ADAMTS19: variants seen among roughly 807,000 people sequenced by gnomAD.
ADAMTS19 encodes A disintegrin and metalloproteinase with thrombospondin motifs 19.
Under a neutral mutation model 153.3 loss-of-function variants are expected in ADAMTS19, and 93 were observed. The ratio of observed to expected loss-of-function variants is 0.61; its 90% confidence interval spans 0.51 to 0.72. ADAMTS19 has a LOEUF of 0.72. ADAMTS19 is among the 30% of genes least tolerant of loss of function. The pLI is 0.00. For synonymous variants in ADAMTS19, 600 were observed against 556.6 expected, an observed-to-expected ratio of 1.08 and a Z score of -1.10; for missense variants, 1,482 against 1,552.1, an observed-to-expected ratio of 0.95 and a Z score of 0.76.
chr5:129,688,503 T>G (rs1036596627), intron 18 of ADAMTS19, among the ~76,000 whole-genome samples: 2 of 152,130 alleles, frequency 1.3e-5, no homozygotes, highest in African/African-American at 4.8e-5. Context: ...AAACTAAGTT[T>G]TAAAATGGTA....
chr5:129,649,751 G>A (rs1753232585), intron 13 of ADAMTS19, among the ~76,000 whole-genome samples: 1 of 152,142 alleles, frequency 6.6e-6, no homozygotes, highest in Non-Finnish European at 1.5e-5. Context: ...TTCTATAGTT[G>A]CTCAGGTATA....
At chr5:129,487,281 G>A (rs17163348) in intron 2 of ADAMTS19, among the ~76,000 whole-genome samples, 1 of 152,010 alleles carries the variant, frequency 6.6e-6, no homozygotes, top group South Asian at 2.1e-4. Flanking sequence ...GGCTTAAAAT[G>A]CAGGATGGTA....
At chr5:129,658,377 G>GAGAGAGAGAGAAAGAAA (rs1318590344) in intron 14 of ADAMTS19, among the ~76,000 whole-genome samples, 1 of 148,214 alleles carries the variant, frequency 6.7e-6, no homozygotes, top group African/African-American at 2.6e-5. Flanking sequence ...AAGAGAGAGA[G>GAGAGAGAGAGAAAGAAA]GAAGGAAGGA....
rs76829073 is a variant in ADAMTS19 at position 129,493,934 on chromosome 5, T to G, written c.748-15143T>G. Among the ~76,000 whole-genome samples, 703 of 152,168 alleles carry G rather than the reference T, an allele frequency of 4.6e-3. 7 individuals carry two copies. Among genetic ancestry groups the G allele is most frequent in the African/African-American group, 0.016 (653 of 41,554 alleles). On this transcript the variant is annotated intron_variant, in intron 2 of 22. Coordinates refer to ENST00000274487, the MANE Select transcript of ADAMTS19 (RefSeq NM_133638.6). The stretch of plus-strand genomic sequence containing the variant: ...TCACATATTGTCTATTTCATAAGAA[T>G]CACACCCTAGTTACATTTCTGTTTG...
At chr5:129,496,386 C>T (rs1750929097) in intron 2 of ADAMTS19, among the ~76,000 whole-genome samples, 1 of 152,104 alleles carries the variant, frequency 6.6e-6, no homozygotes, top group Non-Finnish European at 1.5e-5. Flanking sequence ...AGTATACACT[C>T]AGTAAATATT....
chr5:129,603,507 A>G (rs1447550273), intron 8 of ADAMTS19, among the ~76,000 whole-genome samples: 1 of 152,164 alleles, frequency 6.6e-6, no homozygotes, highest in Non-Finnish European at 1.5e-5. Flanking sequence ...AAATAATTCC[A>G]TTTGCGTTGT....
Position 129,461,066 on chromosome 5 carries a change from C to CT in ADAMTS19, c.92-33dup. On this transcript the variant is annotated intron_variant, in intron 1 of 22. Coordinates refer to ENST00000274487, the MANE Select transcript of ADAMTS19 (RefSeq NM_133638.6). This position sits in a 1 kb window ranked among gnomAD's most constrained non-coding sequence, Gnocchi z 4.6. ...TGTTTGTGCTACTGGAACCGCGGCA[C>CT]TTTAAGCCCCGCACTTCTGTCTGCC... 7.4e-7 allele frequency: 1 copy of CT among 1,343,198 alleles called. No homozygotes were observed. The highest frequency in any genetic ancestry group is 1.9e-5 in the South Asian group (1 of 52,140). 83.2% of individuals were successfully genotyped at this position (1,343,198 alleles called of 1,614,324 possible). A position where few individuals can be genotyped will look rare whatever the true frequency, so the allele number is the denominator to read the frequency against.
chr5:129,669,156 C>G (rs1314196090), intron 16 of ADAMTS19, among the ~76,000 whole-genome samples: 1 of 151,940 alleles, frequency 6.6e-6, no homozygotes, highest in Non-Finnish European at 1.5e-5. Context: ...AAAGGACAGT[C>G]TTTTTCTCCG....
chr5:129,583,714 C>A (rs1399104715), intron 7 of ADAMTS19, among the ~76,000 whole-genome samples: 1 of 151,638 alleles, frequency 6.6e-6, no homozygotes, highest in Non-Finnish European at 1.5e-5. Flanking sequence ...GCTATTGATA[C>A]TTGTGTATGC....
At chr5:129,591,969 C>T (rs185599883) in intron 7 of ADAMTS19, among the ~76,000 whole-genome samples, 248 of 152,118 alleles carry the variant, frequency 1.6e-3, no homozygotes, top group African/African-American at 5.8e-3. Context: ...TAACATCTGG[C>T]TTGTGTTTTG....
chr5:129,473,124 C>A (rs1034209147), intron 2 of ADAMTS19, among the ~76,000 whole-genome samples: 4 of 151,504 alleles, frequency 2.6e-5, no homozygotes, highest in African/African-American at 7.3e-5. Flanking sequence ...AAAAGCAGGT[C>A]TTTTCTACTC....
Position 129,546,927 on chromosome 5 carries a change from G to C in ADAMTS19, c.1329-4937G>C, listed in dbSNP as rs182102703. On this transcript the variant is annotated intron_variant, in intron 6 of 22. Transcript: ENST00000274487. Reference sequence around the variant, plus strand: ...GATTAAAAACACATGAAAAATTGAAGGGAGAGATTGGATTAAAAGAATGTT... The same window carrying C: ...GATTAAAAACACATGAAAAATTGAACGGAGAGATTGGATTAAAAGAATGTT... 1.3e-3 allele frequency among the ~76,000 whole-genome samples: 198 copies of C among 151,106 alleles called. 12 individuals are homozygous for C. Among genetic ancestry groups the C allele is most frequent in the African/African-American group, 4.5e-3 (181 of 40,448 alleles).
chr5:129,576,136 A>G (rs988013592), intron 7 of ADAMTS19, among the ~76,000 whole-genome samples: 30 of 151,994 alleles, frequency 2.0e-4, no homozygotes, highest in South Asian at 2.1e-4. Context: ...AACAAACCCT[A>G]TTTTGGAATG....
At chr5:129,637,681 C>T (rs1215431313) in intron 10 of ADAMTS19, among the ~76,000 whole-genome samples, 2 of 152,108 alleles carry the variant, frequency 1.3e-5, no homozygotes, top group African/African-American at 4.8e-5. Flanking sequence ...CCTGTCTCTA[C>T]TAAAAGTACA....
rs970738143 is a variant in ADAMTS19 at position 129,608,065 on chromosome 5, A to G, written c.1478+11401A>G. Among the ~76,000 whole-genome samples the G allele has an allele frequency of 3.0e-5, 4 of 131,364 alleles. No individual in the cohort carries two copies. The South Asian group carries it at 1.0e-3, about 33-fold the overall frequency. The allele number at this position is 131,364 out of a possible 152,430, so 86.2% of individuals were successfully genotyped here. A position where few individuals can be genotyped will look rare whatever the true frequency, so the allele number is the denominator to read the frequency against. ...TATATATACACACAACAGAATATTC[A>G]TTATATAATTGGAATTTTATATATA... On this transcript the variant is annotated intron_variant, in intron 8 of 22. Transcript: ENST00000274487.
At chr5:129,654,475 A>C in intron 14 of ADAMTS19, 42 bp downstream of exon 14, 1 of 1,587,660 alleles carries the variant, frequency 6.3e-7, no homozygotes, top group South Asian at 1.2e-5. Context: ...ATGTTGAAGG[A>C]AAATTGTGGG....
chr5:129,468,342 G>C (rs990762262), intron 2 of ADAMTS19, among the ~76,000 whole-genome samples: 1 of 151,998 alleles, frequency 6.6e-6, no homozygotes, highest in Non-Finnish European at 1.5e-5. Context: ...AAATCTAATA[G>C]ATAAAAGATG....
chr5:129,594,574 CCTT>C lies in ADAMTS19; in HGVS notation c.1373-1981_1373-1979del, dbSNP rs1328887825. On this transcript the variant is annotated intron_variant, in intron 7 of 22. Coordinates refer to ENST00000274487, the MANE Select transcript of ADAMTS19 (RefSeq NM_133638.6). ...TAGAGGAGATATTTTCTTTTATCCT[CCTT>C]CTTTCTTTTCTTTCTTCCTGCCTTC... Among the ~76,000 whole-genome samples the C allele has an allele frequency of 2.6e-5, 4 of 152,082 alleles. No homozygotes were observed. The East Asian group carries it at 5.8e-4, about 22-fold the overall frequency.
At position 129,490,317 on chromosome 5, in the gene ADAMTS19, A is replaced by G. The variant is rs907629310; in HGVS notation, c.748-18760A>G. 1.8e-4 allele frequency among the ~76,000 whole-genome samples: 28 copies of G among 152,316 alleles called. 1 individual carries two copies. The highest frequency in any genetic ancestry group is 1.8e-3 in the Admixed American group (28 of 15,300). On this transcript the variant is annotated intron_variant, in intron 2 of 22. Coordinates refer to ENST00000274487, the MANE Select transcript of ADAMTS19 (RefSeq NM_133638.6). The stretch of plus-strand genomic sequence containing the variant: ...GTAACTTCCCATGGCCAAGTGATCA[A>G]CTGTAAAATGCACACCCATGAGATG...
Sources: allele counts gnomAD v4.1 joint callset (sites outside exome capture counted in the v4.1 genomes callset), GRCh38; gene constraint gnomAD v4.1.1; non-coding constraint Gnocchi (gnomAD v3.1); transcripts MANE v1.5; gene names NCBI Gene and HGNC (gene_info 2026-07-23, HGNC 2026-07-21).